TMCC1: variants seen among roughly 807,000 people sequenced by gnomAD.
TMCC1 encodes the protein transmembrane and coiled-coil domains protein 1.
A neutral mutation model predicts 52.4 loss-of-function variants in TMCC1; 15 were observed. The ratio of observed to expected loss-of-function variants is 0.29; its 90% CI spans 0.19 to 0.44. The LOEUF (loss-of-function observed/expected upper bound fraction) is 0.44, where lower values mean the gene tolerates loss of function less well. TMCC1 is among the 20% of genes least tolerant of loss of function. TMCC1 has a pLI of 1.00. For synonymous variants in TMCC1, 279 were observed against 301.9 expected (o/e 0.92, Z 0.79); for missense variants, 503 against 806.0 (o/e 0.62, Z 4.55).
intron 4 of TMCC1, among the ~76,000 whole-genome samples, chr3:129,762,206 TTGTTA>T (rs976731020): frequency 6.6e-6 from 1 of 151,802 alleles, no homozygotes; most frequent in African/African-American, 2.4e-5. Context: ...CTCAGCTAGT[TTGTTA>T]TAATTTTTTG....
intron 4 of TMCC1, among the ~76,000 whole-genome samples, chr3:129,821,609 G>A (rs747510653): frequency 9.9e-5 from 15 of 152,042 alleles, no homozygotes; most frequent in Non-Finnish European, 1.6e-4. Context: ...AGATAACAGA[G>A]GGATGATTCT....
chr3:129,792,405 T>C (rs946413145), intron 4 of TMCC1, among the ~76,000 whole-genome samples: 1 of 151,914 alleles, frequency 6.6e-6, no homozygotes, highest in Non-Finnish European at 1.5e-5. Flanking sequence ...TGGAGTGCAG[T>C]GGCATGATCT....
At chr3:129,708,144 A>C (rs2048384576) in intron 4 of TMCC1, among the ~76,000 whole-genome samples, 2 of 152,200 alleles carry the variant, frequency 1.3e-5, no homozygotes, top group African/African-American at 4.8e-5. Context: ...TCTTTTTATA[A>C]ACAAAACAAA....
chr3:129,835,334 T>C (rs910895441), intron 2 of TMCC1, among the ~76,000 whole-genome samples: 1 of 151,586 alleles, frequency 6.6e-6, no homozygotes, highest in Non-Finnish European at 1.5e-5. Context: ...CTTTCATATA[T>C]ATATATATAT....
intron 4 of TMCC1, among the ~76,000 whole-genome samples, chr3:129,712,637 G>C (rs1480171133): frequency 6.6e-6 from 1 of 151,692 alleles, no homozygotes; most frequent in Non-Finnish European, 1.5e-5. Flanking sequence ...TTTTTTTGTA[G>C]AGACAGAGAC....
At chr3:129,694,918 G>T (rs758503113) in intron 4 of TMCC1, among the ~76,000 whole-genome samples, 1 of 151,876 alleles carries the variant, frequency 6.6e-6, no homozygotes, top group East Asian at 1.9e-4. Flanking sequence ...CTCTCTTGGG[G>T]TTTGGATTGG....
intron 1 of TMCC1, among the ~76,000 whole-genome samples, chr3:129,889,977 A>T (rs1033641805): frequency 1.3e-5 from 2 of 151,964 alleles, no homozygotes; most frequent in African/African-American, 4.8e-5. Context: ...GTGAAGAAAT[A>T]AGAAAAAGCT....
intron 2 of TMCC1, among the ~76,000 whole-genome samples, chr3:129,871,504 T>C (rs1009558573): frequency 2.0e-5 from 3 of 152,098 alleles, no homozygotes; most frequent in South Asian, 2.1e-4. Context: ...AGTTTTAGTA[T>C]CATTTATAAA....
At chr3:129,759,331 A>G (rs899367538) in intron 4 of TMCC1, among the ~76,000 whole-genome samples, 1 of 149,228 alleles carries the variant, frequency 6.7e-6, no homozygotes, top group Admixed American at 6.7e-5. Context: ...GCAGTGGCAC[A>G]ATCTCGGCTC....
intron 5 of TMCC1, 66 bp from the exon 6 acceptor site, chr3:129,655,169 A>G (rs2086590248): frequency 6.4e-7 from 1 of 1,567,816 alleles, no homozygotes; most frequent in Non-Finnish European, 8.7e-7. Context: ...CATTATTTAC[A>G]TCCAACTCCC....
At chr3:129,831,912 T>C (rs2058934764) in intron 3 of TMCC1, among the ~76,000 whole-genome samples, 1 of 152,180 alleles carries the variant, frequency 6.6e-6, no homozygotes. Flanking sequence ...TGGAGTGCAG[T>C]GGCACAATCT....
intron 4 of TMCC1, among the ~76,000 whole-genome samples, chr3:129,672,448 A>T (rs1416625087): frequency 2.6e-5 from 4 of 151,736 alleles, no homozygotes; most frequent in Non-Finnish European, 2.9e-5. Context: ...TTTTTTTTTT[A>T]AATTACACAG....
chr3:129,752,351 T>A (rs1007555148), intron 4 of TMCC1, among the ~76,000 whole-genome samples: 7 of 152,128 alleles, frequency 4.6e-5, no homozygotes, highest in Admixed American at 2.0e-4. Context: ...CAGGGGATTT[T>A]AAAAAAACCA....
chr3:129,716,647 C>A (rs1385383253), intron 4 of TMCC1, among the ~76,000 whole-genome samples: 1 of 152,028 alleles, frequency 6.6e-6, no homozygotes, highest in Non-Finnish European at 1.5e-5. Flanking sequence ...CTGTGCCTGG[C>A]CTCAGCCACT....
chr3:129,794,330 T>C (rs772026732), intron 4 of TMCC1: 2 of 456,296 alleles, frequency 4.4e-6, no homozygotes, highest in Admixed American at 2.3e-5. Flanking sequence ...CCACCTTGGA[T>C]AGCTGCCTCC....
intron 2 of TMCC1, among the ~76,000 whole-genome samples, chr3:129,866,293 A>C (rs1383624233): frequency 6.9e-6 from 1 of 144,132 alleles, no homozygotes; most frequent in Non-Finnish European, 1.5e-5. Context: ...ATATATACAT[A>C]ATATATAATA....
chr3:129,760,225 T>C (rs2053417083), intron 4 of TMCC1, among the ~76,000 whole-genome samples: 1 of 152,028 alleles, frequency 6.6e-6, no homozygotes, highest in Non-Finnish European at 1.5e-5. Context: ...TTTTTCTTTT[T>C]TTGAGACAGG....
At chr3:129,859,247 G>A (rs1001120605) in intron 2 of TMCC1, among the ~76,000 whole-genome samples, 6 of 152,126 alleles carry the variant, frequency 3.9e-5, no homozygotes, top group African/African-American at 1.4e-4. Context: ...TTTTAAATAT[G>A]TACAGGTTTT....
chr3:129,714,373 A>G (rs1162338733), intron 4 of TMCC1, among the ~76,000 whole-genome samples: 2 of 152,220 alleles, frequency 1.3e-5, no homozygotes, highest in Non-Finnish European at 2.9e-5. Flanking sequence ...TGACTGTGCC[A>G]GCTCCAGGTA....
Sources: allele counts gnomAD v4.1 joint callset (sites outside exome capture counted in the v4.1 genomes callset), GRCh38; gene constraint gnomAD v4.1.1; transcripts MANE v1.5; gene names NCBI Gene and HGNC (gene_info 2026-07-23, HGNC 2026-07-21).